Variants in ELAPOR2 observed in about 807,000 individuals in gnomAD.
ELAPOR2 encodes the protein endosome-lysosome associated apoptosis and autophagy regulator family member 2, also known as endosome/lysosome-associated apoptosis and autophagy regulator family member 2.
In ELAPOR2, 89 loss-of-function variants were observed where a neutral mutation model predicts 120.7. The observed-to-expected ratio is 0.74, with a 90% CI of 0.62 to 0.88. ELAPOR2 has a LOEUF of 0.88. ELAPOR2 is among the 40% of genes least tolerant of loss of function. ELAPOR2 has a pLI of 0.00. For synonymous variants in ELAPOR2, 444 were observed against 444.9 expected (o/e 1.00, Z 0.03); for missense variants, 1,134 against 1,251.6 (o/e 0.91, Z 1.42).
At chr7:87,009,312 A>G (rs1468281) in intron 1 of ELAPOR2, among the ~76,000 whole-genome samples, 57,494 of 152,030 alleles carry the variant, frequency 0.38, 11,721 homozygotes, top group African/African-American at 0.53. Context: ...TCTATGGAAA[A>G]GATTTCAATA....
intron 4 of ELAPOR2, among the ~76,000 whole-genome samples, chr7:86,942,830 G>A (rs1318567289): frequency 6.6e-6 from 1 of 151,968 alleles, no homozygotes; most frequent in Non-Finnish European, 1.5e-5. Flanking sequence ...AACAGCAACA[G>A]AGTAGAGTTA....
At chr7:86,982,023 G>A (rs757461743) in intron 1 of ELAPOR2, among the ~76,000 whole-genome samples, 6 of 152,242 alleles carry the variant, frequency 3.9e-5, no homozygotes, top group South Asian at 2.1e-4. Flanking sequence ...CATCTGGCTC[G>A]GCAGGTCCCA....
In ELAPOR2 at chr7:86,909,846, TG is replaced by T. The variant is rs1244797026; in HGVS notation, c.2324del (p.Ser775TyrfsTer12). On this transcript the variant is annotated frameshift_variant, in exon 16 of 22. Coordinates refer to ENST00000450689, the MANE Select transcript of ELAPOR2 (RefSeq NM_001142749.3). LOFTEE classifies it high-confidence loss of function. The stretch of plus-strand genomic sequence containing the variant: ...TATCTGCCAGAATGATGGATTGTGA[TG>T]ATAAGGCTGCTCGGAAACCCTTACT... ...SESKGFRAAL[S>X]SQSIILADTF... The T allele has an allele frequency of 6.2e-7, 1 of 1,612,884 alleles. No homozygotes were observed. Among genetic ancestry groups the T allele is most frequent in the Non-Finnish European group, 8.5e-7 (1 of 1,179,394 alleles).
intron 18 of ELAPOR2, among the ~76,000 whole-genome samples, chr7:86,899,259 T>C (rs1788601500): frequency 6.6e-6 from 1 of 152,158 alleles, no homozygotes; most frequent in Non-Finnish European, 1.5e-5. Flanking sequence ...TCCTTACTGA[T>C]TGATGCCGGA....
rs1418266384 is a variant in ELAPOR2, at chr7:86,953,470, T to C, written c.311-5548A>G. 2.0e-5 allele frequency among the ~76,000 whole-genome samples: 3 copies of C among 152,346 alleles called. No homozygotes were observed. The East Asian group carries it at 5.8e-4, about 29-fold the overall frequency. The stretch of plus-strand genomic sequence containing the variant: ...CTGCTTTTCCTTTTATCTTCCATCC[T>C]AGCCTCATCCACTCTCTATGTCAAC... On this transcript the variant is annotated intron_variant, in intron 2 of 21. Transcript: ENST00000450689.
chr7:87,028,722 A>G (rs1282222367), intron 1 of ELAPOR2, among the ~76,000 whole-genome samples: 1 of 152,090 alleles, frequency 6.6e-6, no homozygotes, highest in Non-Finnish European at 1.5e-5. Context: ...CATAAATCAC[A>G]TCAGATTACA....
intron 1 of ELAPOR2, among the ~76,000 whole-genome samples, chr7:86,986,830 G>C (rs1016575258): frequency 5.3e-5 from 8 of 150,526 alleles, no homozygotes; most frequent in Non-Finnish European, 1.2e-4. Context: ...TTTCTTCACA[G>C]AATTGGAAAA....
chr7:86,899,157 G>A (rs1018608468), intron 18 of ELAPOR2, among the ~76,000 whole-genome samples: 18 of 152,212 alleles, frequency 1.2e-4, no homozygotes, highest in South Asian at 1.0e-3. Flanking sequence ...TCTTTCTAGC[G>A]GGTGTGCCCA....
rs770929735 is a variant in ELAPOR2, at chr7:86,938,823, C to T, written c.985G>A (p.Asp329Asn). The change falls in exon 7 of 22, where the codon GAC becomes AAC. Residue 329 changes from aspartate to asparagine, a missense_variant. Asp to Asn is a conservative substitution (Grantham distance 23, BLOSUM62 1). Transcript: ENST00000450689. ...GAKECIRCKDDSQFSEEGSSE... is the reference protein window; with the variant it reads ...GAKECIRCKDNSQFSEEGSSE... ...CTAGTTCTACCTGAAAATTGAGAGT[C>T]GTCTTTACACCTTATACATTCTTTG... 6.4e-5 allele frequency: 103 copies of T among 1,613,034 alleles called. No individual in the cohort carries two copies. In the Admixed American group the frequency reaches 6.7e-4, roughly 10 times the overall value.
At position 87,059,531 on chromosome 7, in the gene ELAPOR2, C is replaced by A; in HGVS notation, c.-18G>T. 2.6e-6 allele frequency: 3 copies of A among 1,175,486 alleles called. No homozygotes were observed. The South Asian group carries it at 1.3e-4, about 50-fold the overall frequency. 72.8% of individuals were successfully genotyped at this position (1,175,486 alleles called of 1,614,324 possible). A position where few individuals can be genotyped will look rare whatever the true frequency, so the allele number is the denominator to read the frequency against. ...AACAGCATCTTCGTCCGGCCGCGGT[C>A]GGCGGGCCGGCGGCAAGGCAGCCTT... On this transcript the variant is annotated 5_prime_UTR_variant, in exon 1 of 22. Transcript: ENST00000450689.
intron 1 of ELAPOR2, among the ~76,000 whole-genome samples, chr7:87,033,392 G>T (rs1386513684): frequency 6.6e-6 from 1 of 152,152 alleles, no homozygotes; most frequent in Non-Finnish European, 1.5e-5. Context: ...TAAGAAACTA[G>T]ATACACAATT....
chr7:86,984,102 C>T (rs1325112851), intron 1 of ELAPOR2, among the ~76,000 whole-genome samples: 1 of 152,124 alleles, frequency 6.6e-6, no homozygotes, highest in Non-Finnish European at 1.5e-5. Context: ...AAGGCCACTA[C>T]ATAATGGTAA....
At chr7:87,021,212 A>G (rs1180846989) in intron 1 of ELAPOR2, among the ~76,000 whole-genome samples, 6 of 152,124 alleles carry the variant, frequency 3.9e-5, no homozygotes, top group African/African-American at 1.4e-4. Flanking sequence ...CCTCTCAAAG[A>G]ATCCATGATC....
chr7:86,965,301 C>T (rs1044558581), intron 1 of ELAPOR2, among the ~76,000 whole-genome samples: 4 of 152,196 alleles, frequency 2.6e-5, no homozygotes, highest in Admixed American at 6.5e-5. Flanking sequence ...CTACAGCACA[C>T]TTCCCTATCT....
chr7:87,001,676 CAT>C (rs1388931088), intron 1 of ELAPOR2, among the ~76,000 whole-genome samples: 1 of 152,106 alleles, frequency 6.6e-6, no homozygotes, highest in Non-Finnish European at 1.5e-5. Flanking sequence ...GGGCTGTTCT[CAT>C]AGAATCTACA....
chr7:86,938,762 C>A, intron 7 of ELAPOR2, 46 bp downstream of exon 7: 1 of 1,592,788 alleles, frequency 6.3e-7, no homozygotes, highest in South Asian at 1.1e-5. Context: ...TACACTTGAC[C>A]AACATACATT....
At chr7:86,943,386 T>C (rs559541808) in intron 4 of ELAPOR2, among the ~76,000 whole-genome samples, 48 of 152,116 alleles carry the variant, frequency 3.2e-4, no homozygotes, top group African/African-American at 9.6e-4. Context: ...GCAATGCCCA[T>C]ATGTACAACT....
At chr7:87,006,398 T>C (rs535119300) in intron 1 of ELAPOR2, among the ~76,000 whole-genome samples, 1 of 151,974 alleles carries the variant, frequency 6.6e-6, no homozygotes, top group African/African-American at 2.4e-5. Context: ...AGGGGAGGGA[T>C]AGCATTAGGA....
chr7:86,990,302 C>A (rs532186207), intron 1 of ELAPOR2, among the ~76,000 whole-genome samples: 1 of 152,072 alleles, frequency 6.6e-6, no homozygotes, highest in Admixed American at 6.5e-5. Context: ...CCTGCCTCGG[C>A]CTCCCAAAGT....
Sources: gnomAD v4.1 joint callset for allele counts (sites outside exome capture counted in the v4.1 genomes callset) on GRCh38, gnomAD v4.1.1 for gene constraint, MANE v1.5 for transcripts, NCBI Gene and HGNC (gene_info 2026-07-23, HGNC 2026-07-21) for gene names.